Variants in MAGI1 observed in about 807,000 individuals in gnomAD.
MAGI1 encodes the protein membrane-associated guanylate kinase, WW and PDZ domain-containing protein 1.
In MAGI1, 58 loss-of-function variants were observed where a neutral mutation model predicts 139.9. That is an observed-to-expected ratio of 0.41 (90% CI 0.34 to 0.52). The LOEUF (loss-of-function observed/expected upper bound fraction) is 0.52. Ranked by LOEUF, MAGI1 falls within the 20% of genes least tolerant of loss-of-function variation. MAGI1 has a pLI of 0.12. For missense variants in MAGI1, 1,874 were observed against 1,901.6 expected (o/e 0.99, Z 0.27); for synonymous variants, 812 against 737.9 (o/e 1.10, Z -1.63).
In MAGI1 at chr3:65,391,269, G is replaced by A. The variant is rs777639807; in HGVS notation, c.2289C>T (p.Ser763=). Residue 763 remains serine (S), a synonymous_variant, in exon 14 of 23, where the codon AGC becomes AGT. Coordinates refer to ENST00000402939, the MANE Select transcript of MAGI1 (RefSeq NM_001033057.2). ...RSLHTASPSH[S]TQVLPEFPPA... is the part of the protein sequence containing the mutation. ...GTGGGAACTCGGGGAGCACCTGTGT[G>A]CTGTGGCTTGGGGATGCTGTGTGCA... The A allele has an allele frequency of 1.2e-5, 20 of 1,614,210 alleles. No homozygotes were observed. In the East Asian group the frequency reaches 3.6e-4, roughly 29 times the overall value.
chr3:65,559,987 G>C, intron 2 of MAGI1, among the ~76,000 whole-genome samples: 1 of 152,134 alleles, frequency 6.6e-6, no homozygotes, highest in South Asian at 2.1e-4. Context: ...AATGAGCCAA[G>C]ATTGCACCAC....
At chr3:65,890,259 G>A (rs2060693680) in intron 1 of MAGI1, among the ~76,000 whole-genome samples, 1 of 152,266 alleles carries the variant, frequency 6.6e-6, no homozygotes, top group South Asian at 2.1e-4. Flanking sequence ...CAGCTACTCG[G>A]GAGGCTGAGG....
At chr3:65,628,850 T>C (rs2084127529) in intron 1 of MAGI1, among the ~76,000 whole-genome samples, 1 of 152,244 alleles carries the variant, frequency 6.6e-6, no homozygotes, top group African/African-American at 2.4e-5. Flanking sequence ...AGAGTGAGCA[T>C]TCTATTATAG....
intron 1 of MAGI1, among the ~76,000 whole-genome samples, chr3:65,682,531 A>G (rs966771674): frequency 5.3e-5 from 8 of 152,202 alleles, no homozygotes; most frequent in African/African-American, 1.9e-4. Context: ...AGGAGCATTG[A>G]CCTGCCTCTC....
intron 1 of MAGI1, among the ~76,000 whole-genome samples, chr3:65,876,844 T>A (rs767100575): frequency 1.3e-5 from 2 of 151,458 alleles, no homozygotes; most frequent in African/African-American, 4.9e-5. Context: ...CCCAGGTTCA[T>A]GCCATTCTCC....
At chr3:65,612,366 AAT>A (rs2083168818) in intron 2 of MAGI1, among the ~76,000 whole-genome samples, 1 of 151,988 alleles carries the variant, frequency 6.6e-6, no homozygotes, top group African/African-American at 2.4e-5. Context: ...TCCCACACAT[AAT>A]ATATTTGTAA....
chr3:65,776,198 A>T (rs2038403371), intron 1 of MAGI1, among the ~76,000 whole-genome samples: 1 of 149,274 alleles, frequency 6.7e-6, no homozygotes, highest in Non-Finnish European at 1.5e-5. Flanking sequence ...TCAATGTAGC[A>T]TTCTTTACTA....
rs545002065 is a variant in MAGI1, at chr3:65,667,607, T to G, written c.314-45519A>C. Among the ~76,000 whole-genome samples, 269 of 152,256 alleles carry G rather than the reference T, an allele frequency of 1.8e-3. 9 individuals are homozygous for G. The South Asian group carries it at 0.054, about 30-fold the overall frequency. On this transcript the variant is annotated intron_variant, in intron 1 of 22. Coordinates refer to ENST00000402939, the MANE Select transcript of MAGI1 (RefSeq NM_001033057.2). The stretch of plus-strand genomic sequence containing the variant: ...TATTTTATGAGACAGGATCTCATTT[T>G]TTCACCCGGGCTGGTGCACAGTGGT...
rs143622762 is a variant in MAGI1 at position 65,611,768 on chromosome 3, C to T, written c.430+10204G>A. Among the ~76,000 whole-genome samples, 116 of 148,656 alleles carry T rather than the reference C, an allele frequency of 7.8e-4. 2 individuals carry two copies. The East Asian group carries it at 0.012, about 15-fold the overall frequency. On this transcript the variant is annotated intron_variant, in intron 2 of 22. Transcript: ENST00000402939. The stretch of plus-strand genomic sequence containing the variant: ...CATAGTATATATACACATATATAGT[C>T]GGAGGAAAGAAACAGTGGTGGTTAT...
At chr3:65,968,398 G>T (rs1326976340) in intron 1 of MAGI1, among the ~76,000 whole-genome samples, 2 of 152,080 alleles carry the variant, frequency 1.3e-5, no homozygotes, top group African/African-American at 4.8e-5. Context: ...CAGGCTTAAT[G>T]AATTACATAC....
intron 1 of MAGI1, among the ~76,000 whole-genome samples, chr3:65,681,128 T>C (rs1285289512): frequency 6.6e-6 from 1 of 152,250 alleles, no homozygotes; most frequent in Non-Finnish European, 1.5e-5. Flanking sequence ...CTCAGGGACT[T>C]TGAAAACAGG....
rs147270927 is a variant in MAGI1, at chr3:65,872,009, T to A, written c.313+165987A>T. On this transcript the variant is annotated intron_variant, in intron 1 of 22. Coordinates refer to ENST00000402939, the MANE Select transcript of MAGI1 (RefSeq NM_001033057.2). The stretch of plus-strand genomic sequence containing the variant: ...CAGTCAATACACTGGTGTCAACTTA[T>A]CAGAGTTCTCGCTCTACTAACCAGT... Among the ~76,000 whole-genome samples, 33 of 152,310 alleles carry A rather than the reference T, an allele frequency of 2.2e-4. 1 individual carries two copies. The East Asian group carries it at 4.6e-3, about 21-fold the overall frequency.
intron 1 of MAGI1, among the ~76,000 whole-genome samples, chr3:65,711,851 C>A (rs534845767): frequency 6.6e-6 from 1 of 152,318 alleles, no homozygotes; most frequent in East Asian, 1.9e-4. Flanking sequence ...GTCCATCGTT[C>A]AAGCCACCTG....
intron 1 of MAGI1, among the ~76,000 whole-genome samples, chr3:65,779,346 T>A (rs1171557683): frequency 2.6e-5 from 4 of 152,130 alleles, no homozygotes; most frequent in Non-Finnish European, 5.9e-5. Context: ...AGTCCCAAAT[T>A]TGCTTCTGGA....
rs955131801 is a variant in MAGI1 at position 65,607,707 on chromosome 3, T to C, written c.430+14265A>G. ...TCTATATTTTATCTTATTCTCTCTT[T>C]TTGGAAACTCACTTCTGGTCCTCAT... On this transcript the variant is annotated intron_variant, in intron 2 of 22. Transcript: ENST00000402939. Among the ~76,000 whole-genome samples, 3 of 152,222 alleles carry C rather than the reference T, an allele frequency of 2.0e-5. No homozygotes were observed. The South Asian group carries it at 6.2e-4, about 31-fold the overall frequency.
rs1473359564 is a variant in MAGI1 at position 65,454,548 on chromosome 3, AT to A, written c.960-1209del. Among the ~76,000 whole-genome samples, 535 of 147,076 alleles carry A rather than the reference AT, an allele frequency of 3.6e-3. 4 individuals carry two copies. Among genetic ancestry groups the A allele is most frequent in the African/African-American group, 0.012 (470 of 39,190 alleles). On this transcript the variant is annotated intron_variant, in intron 5 of 22. Coordinates refer to ENST00000402939, the MANE Select transcript of MAGI1 (RefSeq NM_001033057.2). Reference sequence around the variant, plus strand: ...AAGTATAATAATAATAATAATAATAATAATAATAAAAAAATACTTGTTTTAC... The same window carrying A: ...AAGTATAATAATAATAATAATAATAAAATAATAAAAAAATACTTGTTTTAC...
At chr3:65,681,219 G>A (rs1210980455) in intron 1 of MAGI1, among the ~76,000 whole-genome samples, 1 of 152,124 alleles carries the variant, frequency 6.6e-6, no homozygotes, top group South Asian at 2.1e-4. Flanking sequence ...ATAACACCAA[G>A]AATAATTCTA....
At chr3:65,849,975 C>G (rs2059148810) in intron 1 of MAGI1, among the ~76,000 whole-genome samples, 1 of 151,954 alleles carries the variant, frequency 6.6e-6, no homozygotes, top group African/African-American at 2.4e-5. Context: ...TAATTTGGTT[C>G]AAAGCAAGAA....
chr3:65,864,059 G>C (rs771913814), intron 1 of MAGI1, among the ~76,000 whole-genome samples: 15 of 151,974 alleles, frequency 9.9e-5, no homozygotes, highest in Non-Finnish European at 2.1e-4. Flanking sequence ...AATAGGGTGA[G>C]TGAATGAATA....
Sources: allele counts gnomAD v4.1 joint callset (sites outside exome capture counted in the v4.1 genomes callset), GRCh38; gene constraint gnomAD v4.1.1; transcripts MANE v1.5; gene names NCBI Gene and HGNC (gene_info 2026-07-23, HGNC 2026-07-21).